Variants in SBF2 observed in about 807,000 individuals in gnomAD.
SBF2 encodes myotubularin-related protein 13.
In SBF2, 112 loss-of-function variants were observed where a neutral mutation model predicts 225.2. That is an observed-to-expected ratio of 0.50 (90% CI 0.43 to 0.58). The LOEUF (loss-of-function observed/expected upper bound fraction) is 0.58. Among genes scored for constraint, SBF2 ranks in the 20% least tolerant of loss-of-function variants. The probability of loss-of-function intolerance (pLI) is 0.00; values close to 1 mark genes in which losing one functional copy is unlikely to be tolerated. For missense variants in SBF2, 1,996 were observed against 2,206.2 expected (o/e 0.90, Z 1.91); for synonymous variants, 763 against 773.3 (o/e 0.99, Z 0.22).
intron 13 of SBF2, among the ~76,000 whole-genome samples, chr11:9,971,586 G>A (rs1455012594): frequency 6.6e-6 from 1 of 152,184 alleles, no homozygotes; most frequent in South Asian, 2.1e-4. Context: ...GACTGAGGGA[G>A]GAGGATAGTT....
At chr11:10,210,368 G>T (rs977983870) in intron 1 of SBF2, among the ~76,000 whole-genome samples, 2 of 151,424 alleles carry the variant, frequency 1.3e-5, no homozygotes, top group Non-Finnish European at 3.0e-5. Flanking sequence ...GGAGGAGGAG[G>T]GAGAGGAGGA....
chr11:10,057,610 C>T (rs1247895743), intron 2 of SBF2, among the ~76,000 whole-genome samples: 1 of 152,148 alleles, frequency 6.6e-6, no homozygotes, highest in African/African-American at 2.4e-5. Flanking sequence ...TGACCCTTGG[C>T]CACAACCACT....
chr11:9,940,280 C>A (rs1865174241), intron 16 of SBF2, among the ~76,000 whole-genome samples: 1 of 152,148 alleles, frequency 6.6e-6, no homozygotes, highest in Non-Finnish European at 1.5e-5. Context: ...TGGCGGGCAC[C>A]TGTAGTCCCA....
intron 2 of SBF2, among the ~76,000 whole-genome samples, chr11:10,145,728 T>C (rs1479107902): frequency 6.6e-6 from 1 of 152,192 alleles, no homozygotes; most frequent in Non-Finnish European, 1.5e-5. Context: ...CCTGGTATAG[T>C]GCTCTATACT....
chr11:10,134,728 A>G lies in SBF2; in HGVS notation c.141+59174T>C, dbSNP rs576048946. Among the ~76,000 whole-genome samples, 24 of 152,266 alleles carry G rather than the reference A, an allele frequency of 1.6e-4. 1 individual carries two copies. In the South Asian group the frequency reaches 4.8e-3, roughly 30 times the overall value. ...CATATCCAGGTCACACGGATGCAAG[A>G]GGTAAGCTGTATGGTCTTGGGCAGC... On this transcript the variant is annotated intron_variant, in intron 2 of 39. Coordinates refer to ENST00000256190, the MANE Select transcript of SBF2 (RefSeq NM_030962.4).
chr11:10,190,636 T>C (rs1271444764), intron 2 of SBF2, among the ~76,000 whole-genome samples: 2 of 152,186 alleles, frequency 1.3e-5, no homozygotes, highest in Non-Finnish European at 2.9e-5. Context: ...CACATATCTA[T>C]TTTTCATTTA....
At chr11:9,939,076 C>CTTTAT (rs201984807) in intron 16 of SBF2, among the ~76,000 whole-genome samples, 7,921 of 151,918 alleles carry the variant, frequency 0.052, 281 homozygotes, top group Non-Finnish European at 0.079. Flanking sequence ...TGCTTTATTT[C>CTTTAT]TTTATTTTAT....
chr11:9,927,908 T>C (rs186984924), intron 16 of SBF2, among the ~76,000 whole-genome samples: 121 of 152,310 alleles, frequency 7.9e-4, no homozygotes, highest in African/African-American at 2.7e-3. Context: ...TCTATATCTG[T>C]TTGTAAAAGA....
intron 2 of SBF2, among the ~76,000 whole-genome samples, chr11:10,156,078 G>A (rs1367512728): frequency 2.6e-5 from 4 of 152,192 alleles, no homozygotes; most frequent in Non-Finnish European, 5.9e-5. Flanking sequence ...ACTCTCGGAA[G>A]CCCAGGAAGC....
Position 9,856,660 on chromosome 11 carries a change from G to C in SBF2, c.2161C>G (p.Leu721Val). Residue 721 changes from leucine (L) to valine (V), a missense_variant, in exon 19 of 40, where the codon CTA (leucine) becomes GTA (valine). Coordinates refer to ENST00000256190, the MANE Select transcript of SBF2 (RefSeq NM_030962.4). ...KTAMDLAAEQ[L>V]RLWPTLSKST... ...TTGCTCAGGGTAGGCCAAAGGCGTAGTTGCTCAGCTGCCAGGTCCATTGCT... is the reference window on the plus strand; with the variant it reads ...TTGCTCAGGGTAGGCCAAAGGCGTACTTGCTCAGCTGCCAGGTCCATTGCT... 6.2e-7 allele frequency: 1 copy of C among 1,614,170 alleles called. No individual in the cohort carries two copies. Among genetic ancestry groups the C allele is most frequent in the South Asian group, 1.1e-5 (1 of 91,090 alleles).
At chr11:9,785,440 C>T in intron 36 of SBF2, 122 bp from the exon 37 acceptor site, 1 of 791,054 alleles carries the variant, frequency 1.3e-6, no homozygotes. Flanking sequence ...CAATAATGTA[C>T]AAAGGTATCA....
chr11:9,967,959 CTCTCTCTCTCTCTATATA>C (rs199993300), intron 14 of SBF2, among the ~76,000 whole-genome samples: 8 of 111,756 alleles, frequency 7.2e-5, no homozygotes, highest in East Asian at 2.7e-4. Context: ...CTCTCTCTCT[CTCTCTCTCTCTCTATATA>C]TATATATATA....
rs750703436 is a variant in SBF2, at chr11:10,029,813, T to C, written c.465A>G (p.Leu155=). 1.9e-6 allele frequency: 3 copies of C among 1,613,964 alleles called. No homozygotes were observed. In the South Asian group the frequency reaches 3.3e-5, roughly 18 times the overall value. ...VDSLNVSLES[L]IANLCACLVP... ...CAAGGCAGGCACAAAGGTTTGCAAT[T>C]AGACTTTCCAAGGAGACATTCAGGC... The change falls in exon 5 of 40, where the codon CTA becomes CTG. Residue 155 remains leucine, a synonymous_variant. Coordinates refer to ENST00000256190, the MANE Select transcript of SBF2 (RefSeq NM_030962.4).
chr11:10,181,245 G>C (rs1956723446), intron 2 of SBF2, among the ~76,000 whole-genome samples: 1 of 151,976 alleles, frequency 6.6e-6, no homozygotes, highest in East Asian at 1.9e-4. Flanking sequence ...AGAATCAAAA[G>C]ACCAGGGTTT....
At chr11:9,982,351 T>C (rs562160398) in intron 13 of SBF2, among the ~76,000 whole-genome samples, 2 of 152,290 alleles carry the variant, frequency 1.3e-5, no homozygotes, top group South Asian at 4.1e-4. Flanking sequence ...GGCAAATGAC[T>C]AACTGAAAAA....
At chr11:10,140,500 G>A (rs1158601223) in intron 2 of SBF2, among the ~76,000 whole-genome samples, 2 of 152,196 alleles carry the variant, frequency 1.3e-5, no homozygotes, top group African/African-American at 4.8e-5. Context: ...GCCTAACTGG[G>A]GCAGGGAAGC....
chr11:10,139,883 C>A (rs1954561419), intron 2 of SBF2, among the ~76,000 whole-genome samples: 1 of 152,176 alleles, frequency 6.6e-6, no homozygotes, highest in African/African-American at 2.4e-5. Context: ...TCTGCTCCTA[C>A]CCACTGGGTG....
chr11:9,993,054 T>C lies in SBF2; in HGVS notation c.1103A>G (p.Gln368Arg), dbSNP rs1947510624. Residue 368 changes from glutamine to arginine, a missense_variant, in exon 11 of 40, where the codon CAA (glutamine) becomes CGA (arginine). Transcript: ENST00000256190. ...VFLRLFAQLFQGYRSCLQLIR... is the reference protein window; with the variant it reads ...VFLRLFAQLFRGYRSCLQLIR... ...AAGTTGCAGGCAGGATCTATATCCTTGGAAGAGTTGTGCAAATAATCTAAG... is the reference window on the plus strand; with the variant it reads ...AAGTTGCAGGCAGGATCTATATCCTCGGAAGAGTTGTGCAAATAATCTAAG... 1.2e-6 allele frequency: 2 copies of C among 1,612,840 alleles called. No individual in the cohort carries two copies. The highest frequency in any genetic ancestry group is 1.7e-6 in the Non-Finnish European group (2 of 1,179,768).
intron 16 of SBF2, among the ~76,000 whole-genome samples, chr11:9,905,545 T>C (rs17355924): frequency 0.21 from 31,279 of 152,072 alleles, 4,130 homozygotes; most frequent in Non-Finnish European, 0.3. Flanking sequence ...CAGGAGGAAA[T>C]AGGGATGACA....
Sources: gnomAD v4.1 joint callset for allele counts (sites outside exome capture counted in the v4.1 genomes callset) on GRCh38, gnomAD v4.1.1 for gene constraint, MANE v1.5 for transcripts, NCBI Gene and HGNC (gene_info 2026-07-23, HGNC 2026-07-21) for gene names.